Variants in NUBP2 observed in about 807,000 individuals in gnomAD.
NUBP2 encodes the protein NUBP iron-sulfur cluster assembly factor 2, cytosolic.
NUBP2 carries 23 observed loss-of-function variants against 24.9 expected under a neutral mutation model. That is an observed-to-expected ratio of 0.92 (90% CI 0.66 to 1.31). NUBP2 has a LOEUF of 1.31. NUBP2 is among the 50% of genes most tolerant of loss of function. The pLI is 0.00. For missense variants in NUBP2, 403 were observed against 386.5 expected, an observed-to-expected ratio of 1.04 and a Z score of -0.36; for synonymous variants, 186 against 170.9, an observed-to-expected ratio of 1.09 and a Z score of -0.69.
chr16:1,786,655 G>A lies in NUBP2; in HGVS notation c.135G>A (p.Lys45=), dbSNP rs1371790888. 1 of 1,612,590 alleles carries A rather than the reference G, an allele frequency of 6.2e-7. No individual in the cohort carries two copies. The highest frequency in any genetic ancestry group is 1.7e-5 in the Admixed American group (1 of 60,006). ...LALALRHAGK[K]VGILDVDLCG... The stretch of plus-strand genomic sequence containing the variant: ...TGGCACTGCGCCATGCAGGCAAGAA[G>A]GTGAGCGCCCTACCCCTCACTGGGC... Residue 45 remains lysine, a splice_region_variant and synonymous_variant, in exon 2 of 7, where the codon AAG becomes AAA. Coordinates refer to ENST00000262302, the MANE Select transcript of NUBP2 (RefSeq NM_012225.4).
rs372270707 is a variant in NUBP2, at chr16:1,786,689, G to C, written c.135+34G>C. On this transcript the variant is annotated intron_variant, in intron 2 of 6. Transcript: ENST00000262302. ...CCTACCCCTCACTGGGCGGAGCCCCGGGCAGCTGCCCGCATCCCGGTGGAG... is the reference window on the plus strand; with the variant it reads ...CCTACCCCTCACTGGGCGGAGCCCCCGGCAGCTGCCCGCATCCCGGTGGAG... 62 of 1,611,974 alleles carry C rather than the reference G, an allele frequency of 3.8e-5. No individual in the cohort carries two copies. In the African/African-American group the frequency reaches 8.0e-4, roughly 21 times the overall value.
Position 1,782,996 on chromosome 16 carries a change from G to T in NUBP2, c.-25G>T. 2 of 1,400,964 alleles carry T rather than the reference G, an allele frequency of 1.4e-6. No individual in the cohort carries two copies. Among genetic ancestry groups the T allele is most frequent in the Non-Finnish European group, 1.9e-6 (2 of 1,074,098 alleles). The allele number at this position is 1,400,964 out of a possible 1,614,324, so 86.8% of individuals were successfully genotyped here. On this transcript the variant is annotated 5_prime_UTR_variant, in exon 1 of 7. Coordinates refer to ENST00000262302, the MANE Select transcript of NUBP2 (RefSeq NM_012225.4). ...GGCCCGCGGGCGTAAGCGGACTGCAGCCGCGAGCTCCTGGAGGCGGCGGGA... is the reference window on the plus strand; with the variant it reads ...GGCCCGCGGGCGTAAGCGGACTGCATCCGCGAGCTCCTGGAGGCGGCGGGA...
rs1214123314 is a variant in NUBP2, at chr16:1,788,955, T to A, written c.*241T>A. 5.9e-6 allele frequency: 3 copies of A among 508,166 alleles called. No homozygotes were observed. The highest frequency in any genetic ancestry group is 1.0e-5 in the Non-Finnish European group (3 of 290,830). The allele number at this position is 508,166 out of a possible 1,614,324, so 31.5% of individuals were successfully genotyped here. Reference sequence around the variant, plus strand: ...GCTGTGAGACGGGGGCGGCCTGGGCTCTCTTCCCATCCATGTTGCCTACCT... The same window carrying A: ...GCTGTGAGACGGGGGCGGCCTGGGCACTCTTCCCATCCATGTTGCCTACCT... On this transcript the variant is annotated 3_prime_UTR_variant, in exon 7 of 7. Coordinates refer to ENST00000262302, the MANE Select transcript of NUBP2 (RefSeq NM_012225.4).
intron 1 of NUBP2, chr16:1,786,296 G>A (rs529806763): frequency 1.7e-5 from 9 of 544,894 alleles, no homozygotes; most frequent in Middle Eastern, 4.9e-4. Context: ...TCTCAGCAGC[G>A]CCGCCTCAGG....
chr16:1,783,165 C>T, intron 1 of NUBP2, 129 bp downstream of exon 1: 2 of 1,191,044 alleles, frequency 1.7e-6, no homozygotes, highest in Non-Finnish European at 2.1e-6. Context: ...GTGGCTGGGC[C>T]GGGCCAGAGG....
In NUBP2 at chr16:1,787,674, C is replaced by T. The variant is rs759125110; in HGVS notation, c.335-3C>T. The T allele has an allele frequency of 6.2e-7, 1 of 1,612,192 alleles. No homozygotes were observed. Among genetic ancestry groups the T allele is most frequent in the South Asian group, 1.1e-5 (1 of 91,084 alleles). On this transcript the variant is annotated splice_region_variant and splice_polypyrimidine_tract_variant and intron_variant, in intron 3 of 6. Transcript: ENST00000262302. The stretch of plus-strand genomic sequence containing the variant: ...GACCGCCCCGTCTGCCCCGTCTTTG[C>T]AGCGCTGATAAAGCAGTTTGTGTCC...
rs778197448 is a variant in NUBP2, at chr16:1,788,704, G to A, written c.806G>A (p.Cys269Tyr). ...AQKILDATPA[C>Y]LP ...AAGATTCTGGACGCGACGCCCGCGTGCCTCCCCTGACTAAGGCCACCTTGC... is the reference window on the plus strand; with the variant it reads ...AAGATTCTGGACGCGACGCCCGCGTACCTCCCCTGACTAAGGCCACCTTGC... Residue 269 changes from cysteine to tyrosine, a missense_variant, in exon 7 of 7, where the codon TGC becomes TAC. Physicochemically the swap from Cys to Tyr is radical, Grantham distance 194. Transcript: ENST00000262302. 1 of 1,610,490 alleles carries A rather than the reference G, an allele frequency of 6.2e-7. No homozygotes were observed. Among genetic ancestry groups the A allele is most frequent in the Admixed American group, 1.7e-5 (1 of 59,892 alleles).
intron 1 of NUBP2, chr16:1,785,621 G>C (rs111805911): frequency 2.3e-6 from 3 of 1,285,388 alleles, no homozygotes; most frequent in East Asian, 5.6e-5. Flanking sequence ...CCGTGGTCTC[G>C]GGGCTTTGTG....
chr16:1,784,035 T>C (rs1896847984), intron 1 of NUBP2: 4 of 985,104 alleles, frequency 4.1e-6, no homozygotes, highest in Non-Finnish European at 3.6e-6. Context: ...TGGAAAAGCC[T>C]GTCCTTATTA....
chr16:1,788,693 G>A lies in NUBP2; in HGVS notation c.795G>A (p.Ala265=), dbSNP rs35367930. The change falls in exon 7 of 7, where the codon GCG becomes GCA. Residue 265 remains alanine (A), a synonymous_variant. Transcript: ENST00000262302. ...LTSIAQKILD[A]TPACLP ...CCATAGCCCAGAAGATTCTGGACGC[G>A]ACGCCCGCGTGCCTCCCCTGACTAA... 48 of 1,611,658 alleles carry A rather than the reference G, an allele frequency of 3.0e-5. No homozygotes were observed. Among genetic ancestry groups the A allele is most frequent in the African/African-American group, 1.9e-4 (14 of 75,052 alleles).
chr16:1,786,143 G>A (rs1896954766), intron 1 of NUBP2: 1 of 320,498 alleles, frequency 3.1e-6, no homozygotes. Flanking sequence ...CACTGGCTGG[G>A]GAAAGAGTGG....
chr16:1,786,548 C>T lies in NUBP2; in HGVS notation c.28C>T (p.Leu10=). Residue 10 remains leucine (L), a synonymous_variant, in exon 2 of 7, where the codon CTG becomes TTG. Coordinates refer to ENST00000262302, the MANE Select transcript of NUBP2 (RefSeq NM_012225.4). MEAAAEPGN[L]AGVRHIILVL... is the part of the protein sequence containing the mutation. Reference sequence around the variant, plus strand: ...GTGTTTCCGCCCAGAGCCTGGAAACCTGGCCGGCGTCAGGCACATCATCCT... The same window carrying T: ...GTGTTTCCGCCCAGAGCCTGGAAACTTGGCCGGCGTCAGGCACATCATCCT... 1 of 1,596,216 alleles carries T rather than the reference C, an allele frequency of 6.3e-7. No individual in the cohort carries two copies. Among genetic ancestry groups the T allele is most frequent in the Non-Finnish European group, 8.6e-7 (1 of 1,167,524 alleles).
chr16:1,783,102 C>G, intron 1 of NUBP2, 66 bp downstream of exon 1: 1 of 1,223,078 alleles, frequency 8.2e-7, no homozygotes, highest in African/African-American at 1.6e-5. Flanking sequence ...GCGTCCCTTC[C>G]CGGGGCGGCC....
intron 1 of NUBP2, chr16:1,783,944 C>T (rs1431953059): frequency 1.6e-5 from 12 of 762,124 alleles, no homozygotes; most frequent in South Asian, 6.0e-5. Context: ...CCGCCCGTCT[C>T]AGCCTCCCAA....
chr16:1,788,131 C>G lies in NUBP2; in HGVS notation c.601-7C>G. 6.4e-7 allele frequency: 1 copy of G among 1,550,704 alleles called. No individual in the cohort carries two copies. Among genetic ancestry groups the G allele is most frequent in the South Asian group, 1.2e-5 (1 of 81,970 alleles). ...TGGGCAGTGCTGGGCTCACCACCGTCTCCTAGGAGTGCACCAGCGTCTTCT... is the reference window on the plus strand; with the variant it reads ...TGGGCAGTGCTGGGCTCACCACCGTGTCCTAGGAGTGCACCAGCGTCTTCT... On this transcript the variant is annotated splice_polypyrimidine_tract_variant and splice_region_variant and intron_variant, in intron 5 of 6. Coordinates refer to ENST00000262302, the MANE Select transcript of NUBP2 (RefSeq NM_012225.4).
intron 1 of NUBP2, chr16:1,785,006 T>G: frequency 1.2e-6 from 1 of 832,824 alleles, no homozygotes; most frequent in Non-Finnish European, 1.4e-6. Flanking sequence ...GAGCCGAGAT[T>G]GCGCCACTGT....
At chr16:1,783,320 C>A in intron 1 of NUBP2, 1 of 1,120,032 alleles carries the variant, frequency 8.9e-7, no homozygotes, top group Non-Finnish European at 1.1e-6. Flanking sequence ...TGTAGGCGGG[C>A]GCGGTGGCGC....
rs537132086 is a variant in NUBP2, at chr16:1,788,665, C to G, written c.767C>G (p.Thr256Ser). The G allele has an allele frequency of 1.2e-6, 2 of 1,612,524 alleles. No homozygotes were observed. Among genetic ancestry groups the G allele is most frequent in the Non-Finnish European group, 1.7e-6 (2 of 1,179,842 alleles). The change falls in exon 7 of 7, where the codon ACC becomes AGC. Residue 256 changes from threonine to serine, a missense_variant. By Grantham distance (58) the Thr-to-Ser change is moderately conservative. Coordinates refer to ENST00000262302, the MANE Select transcript of NUBP2 (RefSeq NM_012225.4). ...FPGSPAFAAL[T>S]SIAQKILDAT... ...GGGAGCCCCGCCTTCGCTGCACTCA[C>G]CTCCATAGCCCAGAAGATTCTGGAC...
In NUBP2 at chr16:1,782,985, AG is replaced by A. The variant is rs1896789890; in HGVS notation, c.-35del. On this transcript the variant is annotated 5_prime_UTR_variant, in exon 1 of 7. Transcript: ENST00000262302. ...GGGAGGCTGACGGCCCGCGGGCGTA[AG>A]CGGACTGCAGCCGCGAGCTCCTGGA... 4 of 1,397,954 alleles carry A rather than the reference AG, an allele frequency of 2.9e-6. No individual in the cohort carries two copies. Among genetic ancestry groups the A allele is most frequent in the Non-Finnish European group, 9.3e-7 (1 of 1,074,660 alleles). The allele number at this position is 1,397,954 out of a possible 1,614,324, so 86.6% of individuals were successfully genotyped here. A position where few individuals can be genotyped will look rare whatever the true frequency, so the allele number is the denominator to read the frequency against.
Sources: gnomAD v4.1 joint callset for allele counts on GRCh38, gnomAD v4.1.1 for gene constraint, MANE v1.5 for transcripts, NCBI Gene and HGNC (gene_info 2026-07-23, HGNC 2026-07-21) for gene names.